ANKRD17: variants seen among roughly 807,000 people sequenced by gnomAD.
ANKRD17 encodes ankyrin repeat domain-containing protein 17.
Under a neutral mutation model 229.7 loss-of-function variants are expected in ANKRD17, and 19 were observed. The ratio of observed to expected loss-of-function variants is 0.08; its 90% CI spans 0.06 to 0.12. The LOEUF (loss-of-function observed/expected upper bound fraction) is 0.12, where lower values mean the gene tolerates loss of function less well. Among genes scored for constraint, ANKRD17 ranks in the 10% least tolerant of loss-of-function variants. The pLI is 1.00. For synonymous variants in ANKRD17, 1,112 were observed against 1,146.1 expected, an observed-to-expected ratio of 0.97 and a Z score of 0.60; for missense variants, 2,176 against 3,176.8, an observed-to-expected ratio of 0.68 and a Z score of 7.57.
intron 2 of ANKRD17, among the ~76,000 whole-genome samples, chr4:73,162,033 A>C (rs903364740): frequency 1.3e-5 from 2 of 148,292 alleles, no homozygotes; most frequent in Non-Finnish European, 3.0e-5. Flanking sequence ...ACACCACCAC[A>C]CTAGGCTGAT....
rs1424520670 is a variant in ANKRD17 at position 73,075,674 on chromosome 4, C to G, written c.*557G>C. 2 of 152,496 alleles carry G rather than the reference C, an allele frequency of 1.3e-5. No homozygotes were observed. Among genetic ancestry groups the G allele is most frequent in the Non-Finnish European group, 2.9e-5 (2 of 68,010 alleles). The allele number at this position is 152,496 out of a possible 1,614,324, so 9.4% of individuals were successfully genotyped here. On this transcript the variant is annotated 3_prime_UTR_variant, in exon 34 of 34. Coordinates refer to ENST00000358602, the MANE Select transcript of ANKRD17 (RefSeq NM_032217.5). ...TATTTTACTTTATACTTAAATTACACCAGTAGAAAAGTTATGCTTATTAAT... is the reference window on the plus strand; with the variant it reads ...TATTTTACTTTATACTTAAATTACAGCAGTAGAAAAGTTATGCTTATTAAT...
rs530167051 is a variant in ANKRD17 at position 73,162,882 on chromosome 4, T to C, written c.548-1534A>G. ...TTTTGTTTTTGTTTTTGTTTTAAGA[T>C]AGGATCTCACCTGGTTGCCCAAGCT... On this transcript the variant is annotated intron_variant, in intron 2 of 33. Coordinates refer to ENST00000358602, the MANE Select transcript of ANKRD17 (RefSeq NM_032217.5). Among the ~76,000 whole-genome samples, 9 of 152,162 alleles carry C rather than the reference T, an allele frequency of 5.9e-5. No individual in the cohort carries two copies. In the South Asian group the frequency reaches 1.9e-3, roughly 32 times the overall value.
intron 1 of ANKRD17, among the ~76,000 whole-genome samples, chr4:73,200,441 C>G (rs1738505712): frequency 6.6e-6 from 1 of 152,048 alleles, no homozygotes; most frequent in African/African-American, 2.4e-5. Context: ...TTTAAAACAA[C>G]AACAACAAAA....
At chr4:73,092,440 T>A (rs1428286849) in intron 28 of ANKRD17, 140 bp from the exon 29 acceptor site, 2 of 694,874 alleles carry the variant, frequency 2.9e-6, no homozygotes, top group Non-Finnish European at 4.7e-6. Flanking sequence ...AAAGGACAGA[T>A]AACAAAAGCT....
At chr4:73,229,476 C>T (rs1227082657) in intron 1 of ANKRD17, among the ~76,000 whole-genome samples, 3 of 151,914 alleles carry the variant, frequency 2.0e-5, no homozygotes, top group Non-Finnish European at 2.9e-5. Context: ...CTTAGTTCAT[C>T]ATTTCTACTT....
chr4:73,159,889 T>C (rs776491438), intron 3 of ANKRD17, among the ~76,000 whole-genome samples: 1 of 152,174 alleles, frequency 6.6e-6, no homozygotes, highest in African/African-American at 2.4e-5. Flanking sequence ...TCTAGATGAA[T>C]GAACACTAAT....
rs369489419 is a variant in ANKRD17 at position 73,091,708 on chromosome 4, T to C, written c.5920A>G (p.Ser1974Gly). Residue 1974 changes from serine to glycine, a missense_variant, in exon 29 of 34, where the codon AGT becomes GGT. Transcript: ENST00000358602. ...SLTSSPTTTTSSSASTVPGTS... is the reference protein window; with the variant it reads ...SLTSSPTTTTGSSASTVPGTS... ...CCAGGCACCGTTGAAGCTGATGAAC[T>C]GGTTGTAGTTGTTGGGCTTGAAGTT... 26 of 1,614,040 alleles carry C rather than the reference T, an allele frequency of 1.6e-5. No homozygotes were observed. Among genetic ancestry groups the C allele is most frequent in the Non-Finnish European group, 2.0e-5 (24 of 1,180,032 alleles).
chr4:73,193,523 CT>C (rs971477281), intron 1 of ANKRD17, among the ~76,000 whole-genome samples: 123 of 152,312 alleles, frequency 8.1e-4, no homozygotes, highest in African/African-American at 2.7e-3. Context: ...TATCTTCTGG[CT>C]TTTCCCCCCT....
intron 30 of ANKRD17, among the ~76,000 whole-genome samples, chr4:73,084,767 G>A (rs1721946526): frequency 6.6e-6 from 1 of 152,026 alleles, no homozygotes; most frequent in Non-Finnish European, 1.5e-5. Context: ...ATTTAAAGGT[G>A]GACTAAAAGG....
intron 1 of ANKRD17, among the ~76,000 whole-genome samples, chr4:73,190,558 AC>A (rs373606352): frequency 4.6e-5 from 7 of 150,890 alleles, no homozygotes; most frequent in South Asian, 2.1e-4. Context: ...AAAAAAAAAA[AC>A]AAAACAAAAA....
chr4:73,146,729 T>A (rs754134662), intron 10 of ANKRD17, 35 bp downstream of exon 10: 4 of 1,420,934 alleles, frequency 2.8e-6, no homozygotes, highest in Non-Finnish European at 3.9e-6. Flanking sequence ...TTTCTTATTG[T>A]TAAATATTAA....
intron 11 of ANKRD17, among the ~76,000 whole-genome samples, chr4:73,144,107 T>C (rs907697447): frequency 6.6e-6 from 1 of 152,172 alleles, no homozygotes; most frequent in Non-Finnish European, 1.5e-5. Context: ...AAGAATATGA[T>C]GAACTCTGAA....
intron 1 of ANKRD17, among the ~76,000 whole-genome samples, chr4:73,249,710 C>G (rs1280243721): frequency 6.6e-6 from 1 of 152,092 alleles, no homozygotes; most frequent in Non-Finnish European, 1.5e-5. Flanking sequence ...AAAAATTAGC[C>G]GGGCGTGGTG....
intron 29 of ANKRD17, among the ~76,000 whole-genome samples, chr4:73,088,008 G>C (rs138154386): frequency 4.4e-4 from 67 of 152,008 alleles, no homozygotes; most frequent in Admixed American, 1.1e-3. Context: ...AGGGGAGTGA[G>C]GGAGAGAGTT....
At chr4:73,084,664 G>T (rs1721935706) in intron 30 of ANKRD17, among the ~76,000 whole-genome samples, 1 of 152,044 alleles carries the variant, frequency 6.6e-6, no homozygotes, top group Non-Finnish European at 1.5e-5. Flanking sequence ...GGCCGAGCTG[G>T]TCTTGAACTC....
rs1578024049 is a variant in ANKRD17 at position 73,093,999 on chromosome 4, C to A, written c.5327+80G>T. 3 of 1,372,784 alleles carry A rather than the reference C, an allele frequency of 2.2e-6. No individual in the cohort carries two copies. The East Asian group carries it at 6.9e-5, about 32-fold the overall frequency. 85.0% of individuals were successfully genotyped at this position (1,372,784 alleles called of 1,614,324 possible). On this transcript the variant is annotated intron_variant, in intron 28 of 33. Coordinates refer to ENST00000358602, the MANE Select transcript of ANKRD17 (RefSeq NM_032217.5). ...GTATACTATGTAACACAAAGTTCCA[C>A]TGAAAACTCATATGGCTGTATTTCA...
At chr4:73,135,331 A>G in intron 15 of ANKRD17, 66 bp from the exon 16 acceptor site, 1 of 1,453,086 alleles carries the variant, frequency 6.9e-7, no homozygotes, top group South Asian at 1.4e-5. Context: ...AGACATATTC[A>G]CTCAAAAATA....
intron 25 of ANKRD17, chr4:73,098,782 C>G: frequency 7.6e-7 from 1 of 1,309,958 alleles, no homozygotes; most frequent in Non-Finnish European, 1.1e-6. Context: ...GAAGGCCATT[C>G]CAGCCATCAA....
chr4:73,201,085 A>G lies in ANKRD17; in HGVS notation c.394-23552T>C, dbSNP rs1738618485. ...AGCAAGACTAAATAAAATGCCATAT[A>G]GAGTAATATTACCTGAATTACAGGA... On this transcript the variant is annotated intron_variant, in intron 1 of 33. Transcript: ENST00000358602. Among the ~76,000 whole-genome samples the G allele has an allele frequency of 1.3e-5, 2 of 152,016 alleles. 1 individual carries two copies. Among genetic ancestry groups the G allele is most frequent in the South Asian group, 4.1e-4 (2 of 4,830 alleles).
Sources: gnomAD v4.1 joint callset for allele counts (sites outside exome capture counted in the v4.1 genomes callset) on GRCh38, gnomAD v4.1.1 for gene constraint, MANE v1.5 for transcripts, NCBI Gene and HGNC (gene_info 2026-07-23, HGNC 2026-07-21) for gene names.